The following UPRT variants were observed in gnomAD, a reference collection of about 807,000 sequenced individuals.
UPRT encodes the protein RP11-311P8.3.
Under a neutral mutation model 22.6 loss-of-function variants are expected in UPRT, and 5 were observed. That is an observed-to-expected ratio of 0.22 (90% CI 0.12 to 0.47). The LOEUF is 0.47. Ranked by LOEUF, UPRT falls within the 20% of genes least tolerant of loss-of-function variation. UPRT has a pLI of 0.99. For synonymous variants in UPRT, 77 were observed against 87.7 expected (o/e 0.88, Z 0.68); for missense variants, 181 against 239.9 (o/e 0.75, Z 1.62).
intron 4 of UPRT, among the ~76,000 whole-genome samples, chrX:75,264,516 G>C (rs886334932): frequency 4.5e-5 from 5 of 111,350 alleles, no homozygotes; most frequent in African/African-American, 1.6e-4. Flanking sequence ...TTGGTTTAAA[G>C]TCTGTTTTAT....
At chrX:75,249,527 G>A (rs1249163827) in intron 4 of UPRT, among the ~76,000 whole-genome samples, 3 of 111,527 alleles carry the variant, frequency 2.7e-5, no homozygotes, top group Admixed American at 9.6e-5. Flanking sequence ...AAATATATAT[G>A]CACCCAATAC....
intron 4 of UPRT, among the ~76,000 whole-genome samples, chrX:75,205,378 C>T (rs186342071): frequency 0.03 from 2,098 of 70,280 alleles, 88 homozygotes; most frequent in African/African-American, 0.11. Flanking sequence ...AGCGAGACTC[C>T]GTCTCAAAAA....
At chrX:75,190,212 T>C (rs375863130) in intron 4 of UPRT, among the ~76,000 whole-genome samples, 35 of 111,784 alleles carry the variant, frequency 3.1e-4, no homozygotes, top group African/African-American at 1.0e-3. Flanking sequence ...GTCTGTAAAG[T>C]ATTTTATTTC....
chrX:75,184,499 C>T (rs747717832), intron 4 of UPRT, among the ~76,000 whole-genome samples: 67 of 105,570 alleles, frequency 6.3e-4, no homozygotes, highest in Middle Eastern at 9.5e-3. Flanking sequence ...ATTGACTTGG[C>T]GATGCGGGCT....
chrX:75,295,721 T>C (rs965341122), intron 2 of UPRT, among the ~76,000 whole-genome samples: 1 of 112,021 alleles, frequency 8.9e-6, no homozygotes, highest in Non-Finnish European at 1.9e-5. Flanking sequence ...ATCTTGTTTT[T>C]GGAGGCTCTT....
chrX:75,294,445 G>A (rs1226941656), intron 2 of UPRT: 3 of 438,362 alleles, frequency 6.8e-6, no homozygotes, highest in African/African-American at 2.7e-5. Context: ...CAAACTAAGT[G>A]CAAATTTAGT....
chrX:75,186,197 G>A (rs144258527), intron 4 of UPRT, among the ~76,000 whole-genome samples: 1,963 of 110,570 alleles, frequency 0.018, 48 homozygotes, highest in African/African-American at 0.061. Context: ...CTTTGAATGC[G>A]TCCCAGAGAT....
chrX:75,226,986 C>G lies in UPRT; in HGVS notation c.-447+59107C>G, dbSNP rs748516477. ...GGTATGGGAGAATAGGGAATAGAAA[C>G]AGAAGGCTTAAGACCTCTTTATTCT... is the stretch of plus-strand genomic sequence containing the variant. On this transcript the variant is annotated intron_variant, in intron 4 of 13. Coordinates refer to the UPRT transcript ENST00000652605. Among the ~76,000 whole-genome samples the G allele has an allele frequency of 1.1e-4, 12 of 110,778 alleles. 1 individual carries two copies. The South Asian group carries it at 4.6e-3, about 42-fold the overall frequency.
At chrX:75,248,147 A>G (rs1036051794) in intron 4 of UPRT, among the ~76,000 whole-genome samples, 1 of 111,820 alleles carries the variant, frequency 8.9e-6, no homozygotes, top group African/African-American at 3.3e-5. Context: ...AACTCTAAAA[A>G]TCAGAACACC....
intron 4 of UPRT, among the ~76,000 whole-genome samples, chrX:75,187,300 A>G (rs1182693928): frequency 9.0e-6 from 1 of 111,250 alleles, no homozygotes; most frequent in Non-Finnish European, 1.9e-5. Flanking sequence ...TTGGCTGGAT[A>G]TGAAATTCTG....
chrX:75,268,033 A>C (rs1384016989), intron 4 of UPRT, among the ~76,000 whole-genome samples: 1 of 111,726 alleles, frequency 9.0e-6, no homozygotes, highest in African/African-American at 3.2e-5. Flanking sequence ...AGAAGAAAAG[A>C]GAGAAGAATA....
In UPRT at chrX:75,266,267, G is replaced by C. The variant is rs760191123; in HGVS notation, c.-446-24757G>C. Among the ~76,000 whole-genome samples, 5 of 110,894 alleles carry C rather than the reference G, an allele frequency of 4.5e-5. No individual in the cohort carries two copies. In the East Asian group the frequency reaches 1.4e-3, roughly 31 times the overall value. Reference sequence around the variant, plus strand: ...ATATAGACCAATGGAACAGAACAGAGCCCTCAGAAATAATGCCGCATATCT... The same window carrying C: ...ATATAGACCAATGGAACAGAACAGACCCCTCAGAAATAATGCCGCATATCT... On this transcript the variant is annotated intron_variant, in intron 4 of 13. Coordinates refer to the UPRT transcript ENST00000652605.
At chrX:75,173,065 T>C (rs977635915) in intron 4 of UPRT, among the ~76,000 whole-genome samples, 3 of 111,494 alleles carry the variant, frequency 2.7e-5, no homozygotes, top group African/African-American at 9.8e-5. Flanking sequence ...GTGTTTACAA[T>C]CTCTGAGCTA....
At chrX:75,253,211 A>G (rs922497799) in intron 4 of UPRT, among the ~76,000 whole-genome samples, 9 of 112,259 alleles carry the variant, frequency 8.0e-5, no homozygotes, top group Non-Finnish European at 1.5e-4. Context: ...ATTTAAAAAA[A>G]GAATAAAAAC....
At chrX:75,179,131 G>A (rs1431346333) in intron 4 of UPRT, among the ~76,000 whole-genome samples, 1 of 111,975 alleles carries the variant, frequency 8.9e-6, no homozygotes, top group Admixed American at 9.4e-5. Flanking sequence ...TAAACACAGG[G>A]TGCTGATTGG....
intron 4 of UPRT, among the ~76,000 whole-genome samples, chrX:75,203,606 G>C (rs892387504): frequency 9.1e-6 from 1 of 110,472 alleles, no homozygotes; most frequent in Non-Finnish European, 1.9e-5. Context: ...TGGGAGACCA[G>C]CTTAATGCCA....
At chrX:75,186,263 C>T (rs898876165) in intron 4 of UPRT, among the ~76,000 whole-genome samples, 6 of 111,178 alleles carry the variant, frequency 5.4e-5, no homozygotes, top group African/African-American at 2.0e-4. Context: ...TTATTTCTGC[C>T]GTCATTTCGT....
chrX:75,191,176 T>G (rs2082313675), intron 4 of UPRT, among the ~76,000 whole-genome samples: 1 of 112,558 alleles, frequency 8.9e-6, no homozygotes, highest in South Asian at 3.7e-4. Flanking sequence ...TCCTTTCTGT[T>G]TGTTAGTTTT....
At chrX:75,245,448 C>G (rs1052023000) in intron 4 of UPRT, among the ~76,000 whole-genome samples, 1 of 107,287 alleles carries the variant, frequency 9.3e-6, no homozygotes, top group Non-Finnish European at 2.0e-5. Context: ...TGGGTATATA[C>G]CCAAAGAAAT....
Sources: allele counts gnomAD v4.1 joint callset (sites outside exome capture counted in the v4.1 genomes callset), GRCh38; gene constraint gnomAD v4.1.1; transcripts MANE v1.5; gene names NCBI Gene and HGNC (gene_info 2026-07-23, HGNC 2026-07-21).